The following TRAF1 variants were observed in gnomAD, a reference collection of about 807,000 sequenced individuals.
TRAF1 encodes TNF receptor-associated factor 1.
In TRAF1, 23 loss-of-function variants were observed where a neutral mutation model predicts 40.9. That is an observed-to-expected ratio of 0.56 (90% CI 0.40 to 0.80). The LOEUF (loss-of-function observed/expected upper bound fraction) is 0.80. Among genes scored for constraint, TRAF1 ranks in the 30% least tolerant of loss-of-function variants. The pLI is 0.00. For missense variants in TRAF1, 477 were observed against 528.7 expected (o/e 0.90, Z 0.96); for synonymous variants, 206 against 218.8 (o/e 0.94, Z 0.52).
In TRAF1 at chr9:120,902,967, T is replaced by C. The variant is rs990211070; in HGVS notation, c.*2053A>G. 3.3e-5 allele frequency: 5 copies of C among 152,180 alleles called. No individual in the cohort carries two copies. Among genetic ancestry groups the C allele is most frequent in the African/African-American group, 1.2e-4 (5 of 41,442 alleles). The allele number at this position is 152,180 out of a possible 1,614,324, so 9.4% of individuals were successfully genotyped here. On this transcript the variant is annotated 3_prime_UTR_variant, in exon 8 of 8. Transcript: ENST00000373887. ...AGTATGTATCTCTTGCCATCAGAAA[T>C]AGGCAATCAAAAGTGTAGAGTAACA...
intron 3 of TRAF1, 33 bp downstream of exon 3, chr9:120,923,672 G>C: frequency 6.2e-7 from 1 of 1,610,196 alleles, no homozygotes; most frequent in Non-Finnish European, 8.5e-7. Context: ...TCAAGACAAC[G>C]GACAAATGCC....
At chr9:120,909,402 G>A in intron 6 of TRAF1, 24 bp from the exon 7 acceptor site, 1 of 1,609,652 alleles carries the variant, frequency 6.2e-7, no homozygotes, top group Non-Finnish European at 8.5e-7. Flanking sequence ...GCCAGAGGCA[G>A]TTGGGAAGTG....
Position 120,909,329 on chromosome 9 carries a change from C to A in TRAF1, c.933G>T (p.Leu311=). ...TTCTCTTTCCAGTGCCATCTCCATTCAGGTACAGCCGCAGGCACAACTTGT... is the reference window on the plus strand; with the variant it reads ...TTCTCTTTCCAGTGCCATCTCCATTAAGGTACAGCCGCAGGCACAACTTGT... ...YGYKLCLRLY[L]NGDGTGKRTH... The change falls in exon 7 of 8, where the codon CTG becomes CTT. Residue 311 remains leucine, a synonymous_variant. Transcript: ENST00000373887. The A allele has an allele frequency of 6.2e-7, 1 of 1,614,186 alleles. No homozygotes were observed. The highest frequency in any genetic ancestry group is 1.1e-5 in the South Asian group (1 of 91,082).
intron 3 of TRAF1, among the ~76,000 whole-genome samples, chr9:120,921,590 C>T (rs559937146): frequency 6.6e-6 from 1 of 152,214 alleles, no homozygotes; most frequent in East Asian, 1.9e-4. Flanking sequence ...TTGTGTCTCA[C>T]AGCCGATCCA....
chr9:120,912,723 T>C (rs2046537622), intron 5 of TRAF1, among the ~76,000 whole-genome samples: 1 of 151,904 alleles, frequency 6.6e-6, no homozygotes, highest in Admixed American at 6.6e-5. Flanking sequence ...AAGACAGCCC[T>C]GTTGGACCAA....
Position 120,914,275 on chromosome 9 carries a change from C to A in TRAF1, c.254G>T (p.Gly85Val). 2 of 1,534,724 alleles carry A rather than the reference C, an allele frequency of 1.3e-6. No homozygotes were observed. Among genetic ancestry groups the A allele is most frequent in the Non-Finnish European group, 1.8e-6 (2 of 1,130,028 alleles). Residue 85 changes from glycine (G) to valine (V), a missense_variant, in exon 4 of 8, where the codon GGA becomes GTA. By Grantham distance (109) the Gly-to-Val change is moderately radical. Coordinates refer to ENST00000373887, the MANE Select transcript of TRAF1 (RefSeq NM_005658.5). Reference sequence around the variant, plus strand: ...GACACCTGCAAAGGGGCACCCAATTCCAGCCTCAGCCACCTCGGGGTGAGC... The same window carrying A: ...GACACCTGCAAAGGGGCACCCAATTACAGCCTCAGCCACCTCGGGGTGAGC... ...EKAHPEVAEA[G>V]IGCPFAGVGC...
At chr9:120,918,423 A>AGAATACTAATTAGCAG (rs762090028) in intron 3 of TRAF1, among the ~76,000 whole-genome samples, 2 of 151,804 alleles carry the variant, frequency 1.3e-5, no homozygotes, top group African/African-American at 4.8e-5. Flanking sequence ...AATAACACTA[A>AGAATACTAATTAGCAG]TAATACTAAT....
At chr9:120,913,793 A>T in intron 4 of TRAF1, 55 bp from the exon 5 acceptor site, 1 of 1,500,612 alleles carries the variant, frequency 6.7e-7, no homozygotes, top group Middle Eastern at 1.8e-4. Flanking sequence ...AGGACAGGGG[A>T]GCAGTGGAGT....
rs2046465313 is a variant in TRAF1, at chr9:120,904,670, T to C, written c.*350A>G. The C allele has an allele frequency of 3.5e-6, 1 of 288,752 alleles. No homozygotes were observed. The highest frequency in any genetic ancestry group is 6.7e-6 in the Non-Finnish European group (1 of 149,622). The allele number at this position is 288,752 out of a possible 1,614,324, so 17.9% of individuals were successfully genotyped here. A position where few individuals can be genotyped will look rare whatever the true frequency, so the allele number is the denominator to read the frequency against. On this transcript the variant is annotated 3_prime_UTR_variant, in exon 8 of 8. Transcript: ENST00000373887. The stretch of plus-strand genomic sequence containing the variant: ...GATCTTCCTAGCCCGAGAGCTTCTC[T>C]GCTTGGGTCCTACGGTTCCAAGCCT...
intron 2 of TRAF1, 71 bp from the exon 3 acceptor site, chr9:120,923,863 TC>T: frequency 7.4e-7 from 1 of 1,354,880 alleles, no homozygotes; most frequent in Non-Finnish European, 1.1e-6. Context: ...TCCTGACAGC[TC>T]CAGAAGCCTC....
Position 120,926,309 on chromosome 9 carries a change from A to T in TRAF1, c.-226-8T>A. On this transcript the variant is annotated splice_region_variant and splice_polypyrimidine_tract_variant and intron_variant, in intron 1 of 7. Coordinates refer to ENST00000373887, the MANE Select transcript of TRAF1 (RefSeq NM_005658.5). ...CTGGATGGTGACTGAAGGCTTTAGGAGTGTCCAGTCATTTTTTTTTTTTTT... is the reference window on the plus strand; with the variant it reads ...CTGGATGGTGACTGAAGGCTTTAGGTGTGTCCAGTCATTTTTTTTTTTTTT... 2.6e-6 allele frequency: 1 copy of T among 381,752 alleles called. No individual in the cohort carries two copies. The highest frequency in any genetic ancestry group is 4.6e-6 in the Non-Finnish European group (1 of 217,332). 23.6% of individuals were successfully genotyped at this position (381,752 alleles called of 1,614,324 possible). A position where few individuals can be genotyped will look rare whatever the true frequency, so the allele number is the denominator to read the frequency against.
intron 7 of TRAF1, 119 bp from the exon 8 acceptor site, chr9:120,905,357 G>A: frequency 9.0e-7 from 1 of 1,107,068 alleles, no homozygotes; most frequent in East Asian, 2.6e-5. Context: ...TCAGACCCTT[G>A]GCTCATTTGG....
At chr9:120,907,142 G>A (rs2046489454) in intron 7 of TRAF1, among the ~76,000 whole-genome samples, 1 of 152,218 alleles carries the variant, frequency 6.6e-6, no homozygotes, top group South Asian at 2.1e-4. Context: ...TATTACAGGC[G>A]AGAGCCTCTG....
chr9:120,918,459 C>A (rs1194781147), intron 3 of TRAF1, among the ~76,000 whole-genome samples: 1 of 151,732 alleles, frequency 6.6e-6, no homozygotes, highest in African/African-American at 2.4e-5. Flanking sequence ...AGTATTACTA[C>A]TAATTAGTAT....
intron 3 of TRAF1, among the ~76,000 whole-genome samples, chr9:120,920,815 G>T (rs1210185546): frequency 2.6e-5 from 4 of 152,188 alleles, no homozygotes; most frequent in Non-Finnish European, 4.4e-5. Flanking sequence ...AGGAGGGCTG[G>T]TCCTCAGCCC....
chr9:120,906,474 C>T (rs952451525), intron 7 of TRAF1, among the ~76,000 whole-genome samples: 4 of 152,124 alleles, frequency 2.6e-5, no homozygotes, highest in Non-Finnish European at 5.9e-5. Flanking sequence ...CCACCATACC[C>T]GGCAAAGAAT....
chr9:120,923,881 C>G, intron 2 of TRAF1, 89 bp from the exon 3 acceptor site: 1 of 1,199,922 alleles, frequency 8.3e-7, no homozygotes. Flanking sequence ...CCTCAACTAT[C>G]AGCAGGGTGG....
chr9:120,905,282 G>A, intron 7 of TRAF1, 44 bp from the exon 8 acceptor site: 1 of 1,553,322 alleles, frequency 6.4e-7, no homozygotes. Flanking sequence ...TACAGCAGCA[G>A]CGCAGCTTGG....
At chr9:120,905,780 C>T (rs547292754) in intron 7 of TRAF1, among the ~76,000 whole-genome samples, 47 of 152,280 alleles carry the variant, frequency 3.1e-4, no homozygotes, top group Middle Eastern at 3.4e-3. Context: ...CCTGAGAAGC[C>T]GATTGTCTAA....
Sources: gnomAD v4.1 joint callset for allele counts (sites outside exome capture counted in the v4.1 genomes callset) on GRCh38, gnomAD v4.1.1 for gene constraint, MANE v1.5 for transcripts, NCBI Gene and HGNC (gene_info 2026-07-23, HGNC 2026-07-21) for gene names.